The following KPNA1 variants were observed in gnomAD, a reference collection of about 807,000 sequenced individuals.
KPNA1 encodes the protein karyopherin subunit alpha 1.
KPNA1 carries 10 observed loss-of-function variants against 70.5 expected under a neutral mutation model. That is an observed-to-expected ratio of 0.14 (90% CI 0.09 to 0.24). The LOEUF is 0.24. KPNA1 is among the 10% of genes least tolerant of loss of function. KPNA1 has a pLI of 1.00. For missense variants in KPNA1, 397 were observed against 637.9 expected, an observed-to-expected ratio of 0.62 and a Z score of 4.07; for synonymous variants, 192 against 221.9, an observed-to-expected ratio of 0.87 and a Z score of 1.20.
intron 2 of KPNA1, among the ~76,000 whole-genome samples, chr3:122,491,965 C>A (rs1415741807): frequency 6.8e-6 from 1 of 148,122 alleles, no homozygotes. Context: ...GGGTTCACGC[C>A]ATTCTCCTGC....
At chr3:122,443,333 A>G (rs1470639746) in intron 9 of KPNA1, among the ~76,000 whole-genome samples, 2 of 152,246 alleles carry the variant, frequency 1.3e-5, no homozygotes, top group East Asian at 3.8e-4. Flanking sequence ...ACCGCACCTC[A>G]GCAAGGCCTA....
At chr3:122,435,786 T>C (rs2075977248) in intron 11 of KPNA1, among the ~76,000 whole-genome samples, 2 of 152,224 alleles carry the variant, frequency 1.3e-5, no homozygotes, top group Middle Eastern at 3.2e-3. Context: ...TGCCTATCTT[T>C]ACTTTAATCT....
intron 2 of KPNA1, chr3:122,483,035 T>A (rs1184026429): frequency 6.5e-6 from 1 of 153,334 alleles, no homozygotes; most frequent in African/African-American, 2.4e-5. Context: ...AGAGCCCAGG[T>A]GGAGACCCAG....
intron 11 of KPNA1, among the ~76,000 whole-genome samples, chr3:122,435,599 C>T (rs2075974471): frequency 6.6e-6 from 1 of 152,096 alleles, no homozygotes; most frequent in African/African-American, 2.4e-5. Context: ...AATGGAGGGA[C>T]CATGAAGCCT....
intron 1 of KPNA1, among the ~76,000 whole-genome samples, chr3:122,508,228 T>C (rs1384096104): frequency 2.6e-5 from 4 of 152,118 alleles, no homozygotes; most frequent in Admixed American, 6.5e-5. Context: ...AGCCATAAAA[T>C]AGACAAATTA....
intron 1 of KPNA1, among the ~76,000 whole-genome samples, chr3:122,508,046 GA>G (rs1193315063): frequency 6.6e-6 from 1 of 151,544 alleles, no homozygotes; most frequent in East Asian, 1.9e-4. Context: ...CAAATGCTGT[GA>G]AAAAATGAAC....
intron 9 of KPNA1, among the ~76,000 whole-genome samples, chr3:122,443,682 G>A (rs1284189266): frequency 2.0e-5 from 3 of 152,140 alleles, no homozygotes; most frequent in East Asian, 3.8e-4. Context: ...GGCAGGTTCC[G>A]TGATGCTCCC....
At chr3:122,465,314 T>C (rs927253615) in intron 3 of KPNA1, among the ~76,000 whole-genome samples, 3 of 152,212 alleles carry the variant, frequency 2.0e-5, no homozygotes, top group African/African-American at 7.2e-5. Context: ...ACACCTAACC[T>C]ACCAAACTTC....
intron 11 of KPNA1, among the ~76,000 whole-genome samples, chr3:122,434,587 A>G (rs920551978): frequency 4.2e-4 from 64 of 152,258 alleles, no homozygotes; most frequent in African/African-American, 1.5e-3. Flanking sequence ...CTATTAATTT[A>G]CATTCTCAAT....
Position 122,454,750 on chromosome 3 carries a change from A to G in KPNA1, c.433-749T>C, listed in dbSNP as rs554306683. ...GAGAGCTCCAAACCAAAATACAGAGATAGGACTTTTTGGGCATTCTTAATA... is the reference window on the plus strand; with the variant it reads ...GAGAGCTCCAAACCAAAATACAGAGGTAGGACTTTTTGGGCATTCTTAATA... On this transcript the variant is annotated intron_variant, in intron 5 of 13. Transcript: ENST00000344337. 3.9e-5 allele frequency among the ~76,000 whole-genome samples: 6 copies of G among 152,292 alleles called. No individual in the cohort carries two copies. In the South Asian group the frequency reaches 1.2e-3, roughly 32 times the overall value.
At chr3:122,502,698 G>C (rs2076842428) in intron 1 of KPNA1, among the ~76,000 whole-genome samples, 1 of 152,180 alleles carries the variant, frequency 6.6e-6, no homozygotes, top group African/African-American at 2.4e-5. Flanking sequence ...AATTCCAAGG[G>C]AATCATATTT....
At chr3:122,438,138 G>A (rs1245510005) in intron 10 of KPNA1, among the ~76,000 whole-genome samples, 1 of 152,116 alleles carries the variant, frequency 6.6e-6, no homozygotes, top group Admixed American at 6.5e-5. Context: ...CATGGGGGTG[G>A]ATCCTTCAAG....
rs1445981621 is a variant in KPNA1 at position 122,425,000 on chromosome 3, A to C, written c.*1985T>G. 2.0e-5 allele frequency: 3 copies of C among 152,788 alleles called. No individual in the cohort carries two copies. The highest frequency in any genetic ancestry group is 2.4e-5 in the African/African-American group (1 of 41,596). The allele number at this position is 152,788 out of a possible 1,614,324, so 9.5% of individuals were successfully genotyped here. On this transcript the variant is annotated 3_prime_UTR_variant, in exon 14 of 14. Transcript: ENST00000344337. ...TTTACAGGTCAAGTGCAGTAAACTA[A>C]AATGTTCTCTCAGCACAAAGCAGCA...
chr3:122,510,479 G>A (rs2076943023), intron 1 of KPNA1, among the ~76,000 whole-genome samples: 1 of 152,100 alleles, frequency 6.6e-6, no homozygotes, highest in Non-Finnish European at 1.5e-5. Context: ...ATTAAGAGAA[G>A]AAATGATATC....
chr3:122,429,443 T>C (rs1256416180), intron 12 of KPNA1, among the ~76,000 whole-genome samples: 1 of 55,192 alleles, frequency 1.8e-5, no homozygotes, highest in African/African-American at 7.3e-5. Flanking sequence ...CGAAACTCTG[T>C]CTCAAAAAAA....
intron 2 of KPNA1, among the ~76,000 whole-genome samples, 168 bp downstream of exon 2, chr3:122,496,266 ACCT>A (rs1249677260): frequency 6.6e-6 from 1 of 151,228 alleles, no homozygotes; most frequent in African/African-American, 2.4e-5. Flanking sequence ...ACTTTTCAGT[ACCT>A]CCTCATCCCC....
At chr3:122,450,291 A>G (rs191559661) in intron 8 of KPNA1, among the ~76,000 whole-genome samples, 1 of 152,180 alleles carries the variant, frequency 6.6e-6, no homozygotes, top group Non-Finnish European at 1.5e-5. Context: ...CAAACATATT[A>G]AAAAATGCAG....
chr3:122,461,469 T>C (rs547575916), intron 4 of KPNA1, 151 bp from the exon 5 acceptor site: 33 of 578,854 alleles, frequency 5.7e-5, no homozygotes, highest in African/African-American at 5.3e-4. Flanking sequence ...ATTGGGTTTA[T>C]CACTTTGAGG....
At chr3:122,443,665 A>G (rs114180225) in intron 9 of KPNA1, among the ~76,000 whole-genome samples, 4 of 152,344 alleles carry the variant, frequency 2.6e-5, no homozygotes, top group Non-Finnish European at 5.9e-5. Flanking sequence ...GGGTGACATC[A>G]CATGTCGGCA....
Sources: gnomAD v4.1 joint callset for allele counts (sites outside exome capture counted in the v4.1 genomes callset) on GRCh38, gnomAD v4.1.1 for gene constraint, MANE v1.5 for transcripts, NCBI Gene and HGNC (gene_info 2026-07-23, HGNC 2026-07-21) for gene names.